Variants in PDXDC1 observed in about 807,000 individuals in gnomAD.
The protein encoded by PDXDC1 is pyridoxal-dependent decarboxylase domain-containing protein 1.
Under a neutral mutation model 100.1 loss-of-function variants are expected in PDXDC1, and 42 were observed. That is an observed-to-expected ratio of 0.42 (90% CI 0.33 to 0.54). The LOEUF is 0.54. PDXDC1 is among the 20% of genes least tolerant of loss of function. The pLI is 0.10. For synonymous variants in PDXDC1, 260 were observed against 371.7 expected, an observed-to-expected ratio of 0.70 and a Z score of 3.46; for missense variants, 636 against 979.2, an observed-to-expected ratio of 0.65 and a Z score of 4.68.
At chr16:15,135,558 C>T (rs967288317) in intron 16 of PDXDC1, 344 of 1,068,390 alleles carry the variant, frequency 3.2e-4, no homozygotes, top group Non-Finnish European at 3.7e-4. Flanking sequence ...GCACTGAGGA[C>T]GGGCCAGCCC....
intron 1 of PDXDC1, chr16:14,988,367 G>A (rs995423233): frequency 1.2e-6 from 2 of 1,614,156 alleles, no homozygotes; most frequent in African/African-American, 1.3e-5. Context: ...TGATGAGGGA[G>A]GCCAAGCTGA....
Position 15,038,331 on chromosome 16 carries a change from G to A in PDXDC1, c.*2056G>A, listed in dbSNP as rs1258426762. On this transcript the variant is annotated 3_prime_UTR_variant, in exon 23 of 23. Coordinates refer to ENST00000396410, the MANE Select transcript of PDXDC1 (RefSeq NM_015027.4). ...TATATAATAAAATACGTTAAGAAAT[G>A]AGGTGGCCTGAATTAGTAAGAAAAA... 4.0e-6 allele frequency: 3 copies of A among 755,514 alleles called. No individual in the cohort carries two copies. The highest frequency in any genetic ancestry group is 6.3e-6 in the Non-Finnish European group (3 of 475,924). The allele number at this position is 755,514 out of a possible 1,614,324, so 46.8% of individuals were successfully genotyped here. A position where few individuals can be genotyped will look rare whatever the true frequency, so the allele number is the denominator to read the frequency against.
At chr16:15,038,650 C>T (rs370043410), downstream of PDXDC1, 165 of 1,605,894 alleles carry the variant, frequency 1.0e-4, no homozygotes, top group Admixed American at 1.3e-4. Context: ...CGGTCCTATA[C>T]GAAGTTGTTC....
chr16:14,991,694 G>A (rs1162520567), intron 1 of PDXDC1, among the ~76,000 whole-genome samples: 1 of 152,144 alleles, frequency 6.6e-6, no homozygotes, highest in African/African-American at 2.4e-5. Flanking sequence ...TACTTTTTTT[G>A]TATTTTTTGT....
At chr16:15,144,671 CG>C in the PDXDC1 span, among the ~76,000 whole-genome samples, 4 of 152,162 alleles carry the variant, frequency 2.6e-5, no homozygotes, top group African/African-American at 9.7e-5. Flanking sequence ...GATGAGACGC[CG>C]GGGGTGACAT....
intron 16 of PDXDC1, among the ~76,000 whole-genome samples, chr16:15,053,602 CCT>C (rs2044379230): frequency 6.6e-6 from 1 of 151,888 alleles, no homozygotes; most frequent in Non-Finnish European, 1.5e-5. Context: ...AAGAGGACAC[CCT>C]GTTTTATTAT....
intron 16 of PDXDC1, among the ~76,000 whole-genome samples, chr16:15,112,395 T>C (rs1408943437): frequency 6.8e-6 from 1 of 146,642 alleles, no homozygotes; most frequent in African/African-American, 2.5e-5. Flanking sequence ...ATTTTTGTCT[T>C]TTTAGTAGAG....
chr16:14,986,939 G>A (rs1378708037), intron 1 of PDXDC1, among the ~76,000 whole-genome samples: 1 of 152,288 alleles, frequency 6.6e-6, no homozygotes, highest in Admixed American at 6.5e-5. Context: ...TAGAGACGGG[G>A]TTTCACCATG....
At chr16:15,119,085 G>C in intron 16 of PDXDC1, 1 of 1,168,826 alleles carries the variant, frequency 8.6e-7, no homozygotes, top group Non-Finnish European at 1.2e-6. Context: ...ATAATGAAAA[G>C]GTCAATGACA....
At chr16:15,096,564 A>G (rs1463230028) in intron 16 of PDXDC1, among the ~76,000 whole-genome samples, 1 of 152,386 alleles carries the variant, frequency 6.6e-6, no homozygotes, top group Admixed American at 6.5e-5. Context: ...ATTGCACCGT[A>G]GCTCACAAAG....
At chr16:15,135,170 A>T in intron 16 of PDXDC1, 1 of 854,276 alleles carries the variant, frequency 1.2e-6, no homozygotes, top group Non-Finnish European at 1.9e-6. Flanking sequence ...CATCAGAAAC[A>T]GAGAGGGAAG....
chr16:15,102,172 T>TAGAGACAAG, intron 16 of PDXDC1, among the ~76,000 whole-genome samples: 3 of 151,418 alleles, frequency 2.0e-5, no homozygotes, highest in Non-Finnish European at 2.9e-5. Context: ...AAATTTGTTA[T>TAGAGACAAG]AGAGACAAGA....
chr16:15,063,709 A>AAG (rs2044823248), intron 16 of PDXDC1, among the ~76,000 whole-genome samples: 2 of 150,586 alleles, frequency 1.3e-5, no homozygotes, highest in Non-Finnish European at 3.0e-5. Context: ...TGTCTCAAAA[A>AAG]AAAAAAAAAA....
intron 16 of PDXDC1, chr16:15,132,995 C>T: frequency 2.0e-6 from 3 of 1,468,198 alleles, no homozygotes; most frequent in Non-Finnish European, 2.8e-6. Flanking sequence ...TGGGCATTGA[C>T]CCGCAACACT....
chr16:15,033,109 G>C, intron 18 of PDXDC1, 130 bp downstream of exon 18: 1 of 963,994 alleles, frequency 1.0e-6, no homozygotes, highest in Non-Finnish European at 1.6e-6. Flanking sequence ...ATGCGGTTCT[G>C]AGACCTCCCT....
At chr16:15,062,724 A>C (rs2941260) in intron 16 of PDXDC1, among the ~76,000 whole-genome samples, 100,216 of 152,134 alleles carry the variant, frequency 0.66, 34,675 homozygotes, top group Non-Finnish European at 0.76. Context: ...GCTAATTTGT[A>C]ATTAACCTTC....
rs574304448 is a variant in PDXDC1 at position 15,117,540 on chromosome 16, C to A, written c.1400-21339C>A. ...GGCGTGGTGGTCTACTAAAAATACA[C>A]AAATTAGCTGGGCATGGTGGTGGGC... is the stretch of plus-strand genomic sequence containing the variant. On this transcript the variant is annotated intron_variant, in intron 16 of 16. Transcript: ENST00000535621. Among the ~76,000 whole-genome samples the A allele has an allele frequency of 9.0e-3, 1,361 of 151,140 alleles. 33 individuals carry two copies. The highest frequency in any genetic ancestry group is 0.031 in the African/African-American group (1,276 of 41,078).
At chr16:15,097,748 T>C (rs1481718525) in intron 16 of PDXDC1, among the ~76,000 whole-genome samples, 1 of 152,014 alleles carries the variant, frequency 6.6e-6, no homozygotes, top group African/African-American at 2.4e-5. Context: ...TGCTCTCGGA[T>C]CCCACCTTCT....
chr16:15,057,517 T>C (rs997736533), intron 16 of PDXDC1, among the ~76,000 whole-genome samples: 5 of 152,218 alleles, frequency 3.3e-5, no homozygotes, highest in Admixed American at 3.3e-4. Flanking sequence ...TCCATCACTA[T>C]AAGATGCTCC....
Sources: gnomAD v4.1 joint callset for allele counts (sites outside exome capture counted in the v4.1 genomes callset) on GRCh38, gnomAD v4.1.1 for gene constraint, MANE v1.5 for transcripts, NCBI Gene and HGNC (gene_info 2026-07-23, HGNC 2026-07-21) for gene names.